The following WDR11 variants were observed in gnomAD, a reference collection of about 807,000 sequenced individuals.
WDR11 encodes WD repeat-containing protein 11.
Under a neutral mutation model 151.2 loss-of-function variants are expected in WDR11, and 83 were observed. The observed-to-expected ratio is 0.55, with a 90% CI of 0.46 to 0.66. The LOEUF (loss-of-function observed/expected upper bound fraction) is 0.66. Among genes scored for constraint, WDR11 ranks in the 30% least tolerant of loss-of-function variants. WDR11 has a pLI of 0.00. For missense variants in WDR11, 1,301 were observed against 1,480.9 expected (o/e 0.88, Z 1.99); for synonymous variants, 484 against 533.1 (o/e 0.91, Z 1.27).
intron 19 of WDR11, among the ~76,000 whole-genome samples, chr10:120,893,412 G>C (rs1230491468): frequency 9.2e-5 from 14 of 152,116 alleles, no homozygotes; most frequent in South Asian, 4.2e-4. Flanking sequence ...TCCAGTCTAT[G>C]ATTGTTGGAC....
chr10:120,865,722 T>C lies in WDR11; in HGVS notation c.972T>C (p.Phe324=). 6.2e-7 allele frequency: 1 copy of C among 1,607,014 alleles called. No individual in the cohort carries two copies. The highest frequency in any genetic ancestry group is 1.3e-5 in the African/African-American group (1 of 74,886). The change falls in exon 7 of 29, where the codon TTT becomes TTC. Residue 324 remains phenylalanine, a synonymous_variant. Transcript: ENST00000263461. The part of the protein sequence containing the change: ...LRVRRSYNNI[F]TTSNEEPDPD... ...TTCGAAGATCTTATAATAACATTTTTACCACTTCAAATGAGGAACCAGGTG... is the reference window on the plus strand; with the variant it reads ...TTCGAAGATCTTATAATAACATTTTCACCACTTCAAATGAGGAACCAGGTG...
At chr10:120,874,274 A>T (rs7080709) in intron 11 of WDR11, among the ~76,000 whole-genome samples, 8,668 of 145,028 alleles carry the variant, frequency 0.06, 902 homozygotes, top group African/African-American at 0.21. Context: ...ACCAACTAAT[A>T]TTGTTGCACC....
chr10:120,893,966 G>T (rs943191419), intron 19 of WDR11, among the ~76,000 whole-genome samples: 2 of 152,034 alleles, frequency 1.3e-5, no homozygotes, highest in African/African-American at 2.4e-5. Context: ...TCTGTAGGTT[G>T]CCTGTTCACT....
intron 5 of WDR11, 41 bp downstream of exon 5, chr10:120,862,962 G>T: frequency 7.7e-7 from 1 of 1,297,728 alleles, no homozygotes; most frequent in Non-Finnish European, 1.1e-6. Context: ...CTACTTATCT[G>T]GTATGAAAGC....
intron 3 of WDR11, among the ~76,000 whole-genome samples, chr10:120,859,489 G>A (rs981226435): frequency 3.3e-5 from 5 of 151,796 alleles, no homozygotes; most frequent in Admixed American, 6.6e-5. Flanking sequence ...GGATGGTCTC[G>A]ATCTCCTGAC....
intron 2 of WDR11, among the ~76,000 whole-genome samples, chr10:120,857,656 A>G (rs1052099556): frequency 6.6e-6 from 1 of 152,212 alleles, no homozygotes; most frequent in African/African-American, 2.4e-5. Context: ...TTTCATGAAT[A>G]CTACTGCAAT....
At chr10:120,888,802 T>C (rs551212088) in intron 16 of WDR11, among the ~76,000 whole-genome samples, 20 of 152,262 alleles carry the variant, frequency 1.3e-4, no homozygotes, top group Admixed American at 1.0e-3. Context: ...TCCCCCTTTT[T>C]TTTTTGAGGT....
chr10:120,866,169 T>A (rs1846305462), intron 7 of WDR11, among the ~76,000 whole-genome samples: 1 of 152,176 alleles, frequency 6.6e-6, no homozygotes, highest in Admixed American at 6.5e-5. Context: ...AATAATGTTT[T>A]TGTGAAATTA....
chr10:120,902,208 T>C, intron 21 of WDR11, 49 bp from the exon 22 acceptor site: 1 of 1,488,338 alleles, frequency 6.7e-7, no homozygotes, highest in Non-Finnish European at 9.4e-7. Context: ...CATGCTTTAT[T>C]GTTTGATTGA....
intron 13 of WDR11, among the ~76,000 whole-genome samples, chr10:120,881,370 T>C (rs1847000740): frequency 6.6e-6 from 1 of 152,166 alleles, no homozygotes; most frequent in South Asian, 2.1e-4. Flanking sequence ...TTTTGGCTTT[T>C]CTAAGATCTT....
chr10:120,900,604 A>G (rs1044810692), intron 20 of WDR11, among the ~76,000 whole-genome samples: 1 of 152,220 alleles, frequency 6.6e-6, no homozygotes, highest in African/African-American at 2.4e-5. Context: ...AACTCCTGCC[A>G]TGTGCAGCAC....
At position 120,906,001 on chromosome 10, in the gene WDR11, C is replaced by T. The variant is rs999095752; in HGVS notation, c.3417C>T (p.Ser1139=). 15 of 1,613,842 alleles carry T rather than the reference C, an allele frequency of 9.3e-6. No homozygotes were observed. In the Middle Eastern group the frequency reaches 5.1e-4, roughly 55 times the overall value. ...LVLLSLGCFF[S]VAETLHSMRY... ...TCCTCTCTCTGGGCTGCTTTTTTAG[C>T]GTGGCAGAGACGCTTCACAGGTAAA... Residue 1139 remains serine, a synonymous_variant, in exon 27 of 29, where the codon AGC becomes AGT. Coordinates refer to ENST00000263461, the MANE Select transcript of WDR11 (RefSeq NM_018117.12).
At chr10:120,883,483 G>A (rs1329838177) in intron 13 of WDR11, among the ~76,000 whole-genome samples, 1 of 152,138 alleles carries the variant, frequency 6.6e-6, no homozygotes, top group Non-Finnish European at 1.5e-5. Flanking sequence ...TGTCATGTGT[G>A]AGAAGTTGAG....
At chr10:120,901,507 G>A (rs1376080817) in intron 21 of WDR11, among the ~76,000 whole-genome samples, 1 of 152,196 alleles carries the variant, frequency 6.6e-6, no homozygotes, top group East Asian at 1.9e-4. Context: ...GTGCTGGTGT[G>A]CACAGGTCTG....
Position 120,883,806 on chromosome 10 carries a change from A to G in WDR11, c.1766A>G (p.Asp589Gly), listed in dbSNP as rs1847114253. The stretch of plus-strand genomic sequence containing the variant: ...CAGTATTTGGCAGTCGTATTCAGAG[A>G]TAAACCCCTGGAGCTATGGGATGTT... ...LKQYLAVVFRDKPLELWDVRT... is the reference protein window; with the variant it reads ...LKQYLAVVFRGKPLELWDVRT... The change falls in exon 14 of 29, where the codon GAT becomes GGT. Residue 589 changes from aspartate (D) to glycine (G), a missense_variant. Physicochemically the swap from Asp to Gly is moderately conservative, Grantham distance 94. Around this residue, in one of 3 missense-constraint regions of WDR11, gnomAD observed 692 missense variants for 762.5 expected, o/e 0.91. Coordinates refer to ENST00000263461, the MANE Select transcript of WDR11 (RefSeq NM_018117.12). The G allele has an allele frequency of 1.9e-6, 3 of 1,613,458 alleles. No homozygotes were observed. Among genetic ancestry groups the G allele is most frequent in the Non-Finnish European group, 2.5e-6 (3 of 1,179,636 alleles).
intron 22 of WDR11, 71 bp from the exon 23 acceptor site, chr10:120,902,984 C>T: frequency 1.3e-6 from 2 of 1,496,694 alleles, no homozygotes; most frequent in Non-Finnish European, 1.9e-6. Context: ...TCCAGTCCCT[C>T]AGTCTACTCT....
rs747029898 is a variant in WDR11, at chr10:120,866,799, T to G, written c.1190+35T>G. The G allele has an allele frequency of 2.5e-6, 4 of 1,609,560 alleles. No homozygotes were observed. The South Asian group carries it at 3.3e-5, about 13-fold the overall frequency. ...TCAACAGGATCATGGTTTTGTTTTTTGTTTCCTGTTTCCTTTTATAAAAAA... is the reference window on the plus strand; with the variant it reads ...TCAACAGGATCATGGTTTTGTTTTTGGTTTCCTGTTTCCTTTTATAAAAAA... On this transcript the variant is annotated intron_variant, in intron 8 of 28. Coordinates refer to ENST00000263461, the MANE Select transcript of WDR11 (RefSeq NM_018117.12).
intron 4 of WDR11, 115 bp downstream of exon 4, chr10:120,860,397 C>G: frequency 8.0e-7 from 1 of 1,242,550 alleles, no homozygotes; most frequent in Non-Finnish European, 1.1e-6. Flanking sequence ...AATGACTGAG[C>G]GAAGTGGAGA....
At chr10:120,853,258 G>A (rs183179543) in intron 2 of WDR11, among the ~76,000 whole-genome samples, 11 of 151,980 alleles carry the variant, frequency 7.2e-5, no homozygotes, top group African/African-American at 2.4e-4. Context: ...GTAAGATTAC[G>A]AAGGAGTTTG....
Sources: allele counts gnomAD v4.1 joint callset (sites outside exome capture counted in the v4.1 genomes callset), GRCh38; gene constraint gnomAD v4.1.1; regional missense constraint gnomAD v4.1.1; transcripts MANE v1.5; gene names NCBI Gene and HGNC (gene_info 2026-07-23, HGNC 2026-07-21).